WDR7: variants seen among roughly 807,000 people sequenced by gnomAD.
The protein encoded by WDR7 is WD repeat-containing protein 7.
Under a neutral mutation model 169.4 loss-of-function variants are expected in WDR7, and 46 were observed. The ratio of observed to expected loss-of-function variants is 0.27; its 90% CI spans 0.21 to 0.35. The LOEUF is 0.35. WDR7 is among the 10% of genes least tolerant of loss of function. The pLI is 1.00. For missense variants in WDR7, 1,534 were observed against 1,859.3 expected (o/e 0.83, Z 3.22); for synonymous variants, 612 against 666.8 (o/e 0.92, Z 1.27).
chr18:56,669,625 A>G (rs1294959318), intron 1 of WDR7, among the ~76,000 whole-genome samples: 2 of 152,180 alleles, frequency 1.3e-5, no homozygotes, highest in South Asian at 2.1e-4. Flanking sequence ...TATGCCCTCA[A>G]TGTACTAGTT....
At chr18:56,806,934 C>G (rs2044783200) in intron 19 of WDR7, among the ~76,000 whole-genome samples, 1 of 152,128 alleles carries the variant, frequency 6.6e-6, no homozygotes, top group South Asian at 2.1e-4. Flanking sequence ...GCCAGCCTCT[C>G]TGTTACTCAG....
intron 17 of WDR7, among the ~76,000 whole-genome samples, chr18:56,778,477 A>G (rs1360502899): frequency 6.6e-6 from 1 of 152,162 alleles, no homozygotes; most frequent in Non-Finnish European, 1.5e-5. Context: ...TAGTGGCCTC[A>G]TCGATAATTT....
chr18:56,849,372 G>A (rs1263007446), intron 20 of WDR7, among the ~76,000 whole-genome samples: 1 of 152,114 alleles, frequency 6.6e-6, no homozygotes, highest in Non-Finnish European at 1.5e-5. Flanking sequence ...GTTTCTTGTA[G>A]TGATTTCTCT....
intron 21 of WDR7, among the ~76,000 whole-genome samples, chr18:56,904,074 A>ATTT (rs11372701): frequency 6.8e-5 from 10 of 148,146 alleles, no homozygotes; most frequent in African/African-American, 9.9e-5. Context: ...GCTCAAAATA[A>ATTT]TTTTTTTTTT....
At position 56,711,835 on chromosome 18, in the gene WDR7, T is replaced by C. The variant is rs1598982116; in HGVS notation, c.1579-6129T>C. Among the ~76,000 whole-genome samples the C allele has an allele frequency of 1.3e-5, 2 of 152,158 alleles. 1 individual carries two copies. Reference sequence around the variant, plus strand: ...CAGGTAGAATATTTAACGTGATAAATGATGCATCTTAACTGCACATTTATG... The same window carrying C: ...CAGGTAGAATATTTAACGTGATAAACGATGCATCTTAACTGCACATTTATG... On this transcript the variant is annotated intron_variant, in intron 12 of 27. Coordinates refer to ENST00000254442, the MANE Select transcript of WDR7 (RefSeq NM_015285.3).
rs2025573906 is a variant in WDR7, at chr18:56,691,697, T to C, written c.864-18T>C. The C allele has an allele frequency of 1.3e-6, 2 of 1,589,624 alleles. No homozygotes were observed. Among genetic ancestry groups the C allele is most frequent in the Non-Finnish European group, 1.7e-6 (2 of 1,165,294 alleles). ...ATGTCAGTATTTTAATTGAATATTG[T>C]ATTTTTCCCATATTCAGTTGCCTTC... On this transcript the variant is annotated intron_variant, in intron 8 of 27. Coordinates refer to ENST00000254442, the MANE Select transcript of WDR7 (RefSeq NM_015285.3).
intron 16 of WDR7, 109 bp downstream of exon 16, chr18:56,759,062 A>G: frequency 1.2e-6 from 1 of 821,864 alleles, no homozygotes; most frequent in South Asian, 2.7e-5. Context: ...TTGTTAAAAG[A>G]GAGAAAAGTT....
intron 2 of WDR7, among the ~76,000 whole-genome samples, chr18:56,673,090 A>G (rs1301573330): frequency 6.6e-6 from 1 of 151,976 alleles, no homozygotes; most frequent in Non-Finnish European, 1.5e-5. Flanking sequence ...ATTCCTTACT[A>G]CTATGGATTG....
At chr18:56,834,279 C>T (rs2045361675) in intron 20 of WDR7, among the ~76,000 whole-genome samples, 1 of 152,140 alleles carries the variant, frequency 6.6e-6, no homozygotes. Flanking sequence ...TGGAAGTGGC[C>T]TCCCATGACT....
the WDR7 span, chr18:57,035,022 G>A: frequency 6.6e-6 from 1 of 152,232 alleles, no homozygotes; most frequent in African/African-American, 2.4e-5. Context: ...CCCGATTCCA[G>A]TGAACCCTCC....
intron 26 of WDR7, among the ~76,000 whole-genome samples, chr18:56,998,473 A>G (rs1427958734): frequency 6.6e-6 from 1 of 152,224 alleles, no homozygotes; most frequent in Non-Finnish European, 1.5e-5. Flanking sequence ...CTGCAGGGAA[A>G]GAGTTAAACT....
At chr18:56,680,815 TTCTC>T (rs1192101386) in intron 3 of WDR7, among the ~76,000 whole-genome samples, 1 of 152,222 alleles carries the variant, frequency 6.6e-6, no homozygotes, top group East Asian at 1.9e-4. Flanking sequence ...CAGTTTGAAA[TTCTC>T]TAGCTACCTG....
At chr18:56,733,361 A>G (rs1484503586) in intron 14 of WDR7, among the ~76,000 whole-genome samples, 1 of 152,170 alleles carries the variant, frequency 6.6e-6, no homozygotes, top group Non-Finnish European at 1.5e-5. Flanking sequence ...TCTGAAGAGA[A>G]TATTTAAAGA....
chr18:56,921,791 T>C (rs2046725352), intron 21 of WDR7, among the ~76,000 whole-genome samples: 2 of 152,290 alleles, frequency 1.3e-5, no homozygotes, highest in East Asian at 1.9e-4. Context: ...CGACCACTTA[T>C]TGTTTATTTT....
chr18:56,845,550 T>A (rs940344641), intron 20 of WDR7, among the ~76,000 whole-genome samples: 11 of 152,262 alleles, frequency 7.2e-5, no homozygotes, highest in African/African-American at 2.4e-4. Context: ...CACTGTTACA[T>A]TTAGCAGATA....
intron 6 of WDR7, 63 bp from the exon 7 acceptor site, chr18:56,686,792 T>G: frequency 7.4e-7 from 1 of 1,346,138 alleles, no homozygotes; most frequent in Non-Finnish European, 1.1e-6. Flanking sequence ...GCCTTTATCA[T>G]TGTGTGATAA....
At chr18:56,926,470 GGGA>G (rs1434432062) in intron 22 of WDR7, among the ~76,000 whole-genome samples, 1 of 152,172 alleles carries the variant, frequency 6.6e-6, no homozygotes, top group African/African-American at 2.4e-5. Context: ...TTTGTTGCCT[GGGA>G]GGAGAAGTGA....
intron 26 of WDR7, among the ~76,000 whole-genome samples, chr18:56,989,533 G>T (rs926076195): frequency 1.3e-5 from 2 of 152,118 alleles, no homozygotes; most frequent in Non-Finnish European, 2.9e-5. Context: ...AGAAGGTCTT[G>T]TCAAGTAGTT....
In WDR7 at chr18:56,924,011, G is replaced by A; in HGVS notation, c.3616G>A (p.Gly1206Arg). The change falls in exon 22 of 28, where the codon GGA becomes AGA. Residue 1206 changes from glycine (G) to arginine (R), a missense_variant. Transcript: ENST00000254442. ...TIRRTAIDLI[G>R]RGFTVWEPYM... ...CCGAAGAACAGCCATTGATCTGATT[G>A]GACGTGGGTTCACTGTTTGGGAGCC... The A allele has an allele frequency of 6.2e-7, 1 of 1,612,688 alleles. No individual in the cohort carries two copies. Among genetic ancestry groups the A allele is most frequent in the Non-Finnish European group, 8.5e-7 (1 of 1,179,506 alleles).
Sources: gnomAD v4.1 joint callset for allele counts (sites outside exome capture counted in the v4.1 genomes callset) on GRCh38, gnomAD v4.1.1 for gene constraint, MANE v1.5 for transcripts, NCBI Gene and HGNC (gene_info 2026-07-23, HGNC 2026-07-21) for gene names.